The following LINGO2 variants were observed in gnomAD, a reference collection of about 807,000 sequenced individuals.
LINGO2 encodes leucine rich repeat and Ig domain containing 2, also known as leucine-rich repeat and immunoglobulin-like domain-containing nogo receptor-interacting protein 2.
A neutral mutation model predicts 30.6 loss-of-function variants in LINGO2; 14 were observed. That is an observed-to-expected ratio of 0.46 (90% CI 0.30 to 0.72). The LOEUF (loss-of-function observed/expected upper bound fraction) is 0.72. Ranked by LOEUF, LINGO2 falls within the 30% of genes least tolerant of loss-of-function variation. The probability of loss-of-function intolerance (pLI) is 0.07; values close to 1 mark genes in which losing one functional copy is unlikely to be tolerated. For synonymous variants in LINGO2, 317 were observed against 288.5 expected, an observed-to-expected ratio of 1.10 and a Z score of -1.00; for missense variants, 729 against 751.7, an observed-to-expected ratio of 0.97 and a Z score of 0.35.
intron 4 of LINGO2, among the ~76,000 whole-genome samples, chr9:28,121,755 C>T (rs970940418): frequency 5.3e-5 from 8 of 152,142 alleles, no homozygotes; most frequent in African/African-American, 1.9e-4. Context: ...TTCCAAAGAC[C>T]GGTGAATAAA....
chr9:28,967,284 C>T, the LINGO2 span, among the ~76,000 whole-genome samples: 1 of 152,046 alleles, frequency 6.6e-6, no homozygotes, highest in Non-Finnish European at 1.5e-5. Context: ...TTTTGAAAGA[C>T]TTAGGAAAAT....
At chr9:28,699,345 T>A in the LINGO2 span, among the ~76,000 whole-genome samples, 1 of 151,990 alleles carries the variant, frequency 6.6e-6, no homozygotes, top group Admixed American at 6.6e-5. Flanking sequence ...GAACATAAAT[T>A]GTGAAGATTT....
intron 2 of LINGO2, among the ~76,000 whole-genome samples, chr9:28,413,956 ATTAT>A (rs1702070351): frequency 6.6e-6 from 1 of 151,718 alleles, no homozygotes; most frequent in South Asian, 2.1e-4. Context: ...ATTTATAATT[ATTAT>A]TTAATTCCCA....
intron 3 of LINGO2, among the ~76,000 whole-genome samples, chr9:28,312,048 G>A (rs538421278): frequency 7.9e-5 from 12 of 152,200 alleles, no homozygotes; most frequent in African/African-American, 1.2e-4. Context: ...CGGGGTCCCT[G>A]ACTTCCCACA....
At chr9:28,345,819 A>T (rs1339683433) in intron 3 of LINGO2, among the ~76,000 whole-genome samples, 4 of 152,182 alleles carry the variant, frequency 2.6e-5, no homozygotes, top group African/African-American at 7.2e-5. Flanking sequence ...ATTGCTCAGT[A>T]GTGACAATGA....
intron 5 of LINGO2, among the ~76,000 whole-genome samples, chr9:27,975,702 G>T (rs1042910839): frequency 1.3e-5 from 2 of 151,974 alleles, no homozygotes; most frequent in Non-Finnish European, 2.9e-5. Context: ...AAAAAACCTT[G>T]TTATTGGTTC....
At chr9:28,843,844 G>A in the LINGO2 span, among the ~76,000 whole-genome samples, 12 of 151,708 alleles carry the variant, frequency 7.9e-5, no homozygotes, top group Non-Finnish European at 1.8e-4. Flanking sequence ...TGTAAAGGGA[G>A]GCATAGAATA....
At chr9:28,730,089 AAAG>A in the LINGO2 span, among the ~76,000 whole-genome samples, 1 of 152,146 alleles carries the variant, frequency 6.6e-6, no homozygotes, top group African/African-American at 2.4e-5. Flanking sequence ...GATAAGAAAA[AAAG>A]AGATTTTCAG....
intron 3 of LINGO2, among the ~76,000 whole-genome samples, chr9:28,309,442 G>T (rs1824515603): frequency 6.6e-6 from 1 of 151,254 alleles, no homozygotes; most frequent in East Asian, 2.0e-4. Context: ...TGGGGTGGCG[G>T]GAGGGGGGAG....
At chr9:28,136,540 C>G (rs533456038) in intron 4 of LINGO2, among the ~76,000 whole-genome samples, 1 of 152,328 alleles carries the variant, frequency 6.6e-6, no homozygotes, top group African/African-American at 2.4e-5. Context: ...TGTTTTCCCA[C>G]TCTAATCAGC....
At chr9:29,210,989 T>C in the LINGO2 span, among the ~76,000 whole-genome samples, 1 of 152,180 alleles carries the variant, frequency 6.6e-6, no homozygotes, top group African/African-American at 2.4e-5. Context: ...TTCTGAAAAA[T>C]ATTTTTTGCC....
the LINGO2 span, among the ~76,000 whole-genome samples, chr9:29,175,537 T>G: frequency 6.7e-6 from 1 of 149,602 alleles, no homozygotes. Context: ...TTTTTTTTTT[T>G]TTTTTTTGAG....
intron 4 of LINGO2, among the ~76,000 whole-genome samples, chr9:28,122,482 T>C (rs373087487): frequency 2.6e-5 from 4 of 152,204 alleles, no homozygotes; most frequent in South Asian, 2.1e-4. Context: ...TATAAGAAAA[T>C]AGAGAATCAG....
At chr9:28,474,462 G>C (rs114689026) in intron 2 of LINGO2, among the ~76,000 whole-genome samples, 1,751 of 152,232 alleles carry the variant, frequency 0.012, 29 homozygotes, top group African/African-American at 0.04. Flanking sequence ...TGAATTTTTA[G>C]AAGTCTAGAT....
At chr9:28,065,461 A>G (rs962623294) in intron 4 of LINGO2, among the ~76,000 whole-genome samples, 1 of 152,142 alleles carries the variant, frequency 6.6e-6, no homozygotes, top group African/African-American at 2.4e-5. Flanking sequence ...AGAGTTGCAT[A>G]GTAAAAACGG....
intron 1 of LINGO2, among the ~76,000 whole-genome samples, chr9:28,511,422 C>T (rs921457090): frequency 1.2e-4 from 18 of 152,090 alleles, no homozygotes; most frequent in Admixed American, 6.6e-4. Context: ...CCAGGTCAGC[C>T]GTGGTGAGTA....
chr9:28,810,736 T>C, the LINGO2 span, among the ~76,000 whole-genome samples: 16 of 152,278 alleles, frequency 1.1e-4, no homozygotes, highest in East Asian at 2.9e-3. Context: ...ATGTTATAAA[T>C]ATTTACTGAT....
intron 1 of LINGO2, among the ~76,000 whole-genome samples, chr9:28,555,137 A>C (rs1299065019): frequency 7.6e-6 from 1 of 131,758 alleles, no homozygotes. Context: ...GGCAAGAAAT[A>C]ACTAAAATCA....
the LINGO2 span, among the ~76,000 whole-genome samples, chr9:28,932,803 A>T: frequency 6.6e-6 from 1 of 151,698 alleles, no homozygotes; most frequent in African/African-American, 2.4e-5. Flanking sequence ...GTTACTCTCA[A>T]TTTTTTCTGC....
Sources: gnomAD v4.1 joint callset for allele counts (sites outside exome capture counted in the v4.1 genomes callset) on GRCh38, gnomAD v4.1.1 for gene constraint, MANE v1.5 for transcripts, NCBI Gene and HGNC (gene_info 2026-07-23, HGNC 2026-07-21) for gene names.